CYP4A22: variants seen among roughly 807,000 people sequenced by gnomAD.
CYP4A22 encodes the protein cytochrome P450 family 4 subfamily A member 22, also known as cytochrome P450 4A22.
CYP4A22 carries 46 observed loss-of-function variants against 56.2 expected under a neutral mutation model. The ratio of observed to expected loss-of-function variants is 0.82; its 90% CI spans 0.65 to 1.05. The LOEUF (loss-of-function observed/expected upper bound fraction) is 1.05. CYP4A22 is among the 50% of genes least tolerant of loss of function. CYP4A22 has a pLI of 0.00. For missense variants in CYP4A22, 541 were observed against 645.9 expected, an observed-to-expected ratio of 0.84 and a Z score of 1.76; for synonymous variants, 193 against 251.1, an observed-to-expected ratio of 0.77 and a Z score of 2.19.
intron 11 of CYP4A22, among the ~76,000 whole-genome samples, chr1:47,147,606 T>C (rs1645090031): frequency 6.6e-6 from 1 of 152,212 alleles, no homozygotes; most frequent in Admixed American, 6.5e-5. Flanking sequence ...TGAGTGTTCA[T>C]GGACAAATCA....
At chr1:47,143,122 A>C in intron 4 of CYP4A22, 147 bp from the exon 5 acceptor site, 4 of 1,467,162 alleles carry the variant, frequency 2.7e-6, no homozygotes, top group Non-Finnish European at 3.6e-6. Flanking sequence ...TCTACAATGC[A>C]TCTGCTCTGT....
At position 47,137,796 on chromosome 1, in the gene CYP4A22, G is replaced by T. The variant is rs1569791198; in HGVS notation, c.195+116G>T. ...TTGTAACAAACGTGAGGCCTCATAG[G>T]AACACCCAGCCTACCTCTCTGGTTT... On this transcript the variant is annotated intron_variant, in intron 1 of 11. Coordinates refer to ENST00000371891, the MANE Select transcript of CYP4A22 (RefSeq NM_001010969.4). 3 of 1,425,770 alleles carry T rather than the reference G, an allele frequency of 2.1e-6. No individual in the cohort carries two copies. In the East Asian group the frequency reaches 7.6e-5, roughly 36 times the overall value. The allele number at this position is 1,425,770 out of a possible 1,614,324, so 88.3% of individuals were successfully genotyped here.
Position 47,144,719 on chromosome 1 carries a change from G to A in CYP4A22, c.1067G>A (p.Gly356Asp), listed in dbSNP as rs1299565403. Reference protein sequence around the residue: ...RCREEIHGLLGDGASITWNHL... With the variant: ...RCREEIHGLLDDGASITWNHL... ...CGGGAGGAGATCCATGGCCTCCTGGGTGATGGAGCCTCCATCACCTGGTGA... is the reference window on the plus strand; with the variant it reads ...CGGGAGGAGATCCATGGCCTCCTGGATGATGGAGCCTCCATCACCTGGTGA... The change falls in exon 8 of 12, where the codon GGT becomes GAT. Residue 356 changes from glycine to aspartate, a missense_variant. Around this residue, in one of 3 missense-constraint regions of CYP4A22, gnomAD observed 204 missense variants for 258.9 expected, o/e 0.79. Coordinates refer to ENST00000371891, the MANE Select transcript of CYP4A22 (RefSeq NM_001010969.4). The A allele has an allele frequency of 6.2e-7, 1 of 1,614,018 alleles. No individual in the cohort carries two copies. Among genetic ancestry groups the A allele is most frequent in the South Asian group, 1.1e-5 (1 of 91,068 alleles).
In CYP4A22 at chr1:47,138,771, G is replaced by A. The variant is rs78427066; in HGVS notation, c.195+1091G>A. ...TAGAGGAACAGAGGAAGAAGAGAAA[G>A]GAGCAGCAAGAGGGCTGAGGAGGGA... On this transcript the variant is annotated intron_variant, in intron 1 of 11. Coordinates refer to ENST00000371891, the MANE Select transcript of CYP4A22 (RefSeq NM_001010969.4). 4.7e-3 allele frequency among the ~76,000 whole-genome samples: 723 copies of A among 152,318 alleles called. 12 individuals are homozygous for A. Among genetic ancestry groups the A allele is most frequent in the East Asian group, 0.044 (230 of 5,186 alleles).
At chr1:47,138,598 A>G (rs1449920084) in intron 1 of CYP4A22, among the ~76,000 whole-genome samples, 6 of 152,230 alleles carry the variant, frequency 3.9e-5, no homozygotes, top group Admixed American at 2.6e-4. Context: ...CAAATTCGTA[A>G]ACTTTCTTAA....
chr1:47,145,139 CT>C (rs1225623834), intron 9 of CYP4A22, among the ~76,000 whole-genome samples, 169 bp downstream of exon 9: 1 of 152,204 alleles, frequency 6.6e-6, no homozygotes, highest in Non-Finnish European at 1.5e-5. Flanking sequence ...TGGCCGAGAG[CT>C]TGAACCCACC....
At chr1:47,140,981 G>T in intron 2 of CYP4A22, 60 bp downstream of exon 2, 3 of 1,594,508 alleles carry the variant, frequency 1.9e-6, no homozygotes, top group Admixed American at 1.7e-5. Flanking sequence ...ATGCCCCTGG[G>T]TCTGTAAAAT....
chr1:47,144,268 G>T, intron 6 of CYP4A22, 89 bp from the exon 7 acceptor site: 1 of 1,497,208 alleles, frequency 6.7e-7, no homozygotes, highest in South Asian at 1.2e-5. Flanking sequence ...AGATCTACCA[G>T]GCACCCACAC....
rs760627269 is a variant in CYP4A22, at chr1:47,144,397, G to A, written c.831G>A (p.Glu277=). 6.2e-7 allele frequency: 1 copy of A among 1,613,958 alleles called. No individual in the cohort carries two copies. Among genetic ancestry groups the A allele is most frequent in the Admixed American group, 1.7e-5 (1 of 60,010 alleles). Residue 277 remains glutamate (E), a synonymous_variant, in exon 7 of 12, where the codon GAG becomes GAA. Coordinates refer to ENST00000371891, the MANE Select transcript of CYP4A22 (RefSeq NM_001010969.4). The part of the protein sequence containing the change: ...IQLRKAQLQK[E]GELEKIKRKR... ...TGAGGAAGGCTCAACTACAGAAGGAGGGGGAGCTGGAGAAGATCAAGAGGA... is the reference window on the plus strand; with the variant it reads ...TGAGGAAGGCTCAACTACAGAAGGAAGGGGAGCTGGAGAAGATCAAGAGGA...
intron 10 of CYP4A22, 69 bp downstream of exon 10, chr1:47,145,999 C>A: frequency 2.5e-6 from 4 of 1,614,074 alleles, no homozygotes; most frequent in Non-Finnish European, 3.4e-6. Flanking sequence ...GCTTCCACCT[C>A]TGGGAGTACT....
At chr1:47,143,190 C>G in intron 4 of CYP4A22, 79 bp from the exon 5 acceptor site, 2 of 1,546,840 alleles carry the variant, frequency 1.3e-6, no homozygotes, top group South Asian at 2.5e-5. Context: ...AAGATATCTG[C>G]AGGTACATGA....
chr1:47,142,092 T>C lies in CYP4A22; in HGVS notation c.383-16T>C. ...CCTCTGATACACACACATACACATA[T>C]TCGTGTCTACCTTAGGGTACGGCTT... On this transcript the variant is annotated splice_polypyrimidine_tract_variant and intron_variant, in intron 3 of 11. Coordinates refer to ENST00000371891, the MANE Select transcript of CYP4A22 (RefSeq NM_001010969.4). The C allele has an allele frequency of 6.2e-7, 1 of 1,609,818 alleles. No homozygotes were observed. Among genetic ancestry groups the C allele is most frequent in the African/African-American group, 1.3e-5 (1 of 75,000 alleles).
chr1:47,143,969 C>T lies in CYP4A22; in HGVS notation c.790+53C>T, dbSNP rs1040351534. 4.0e-5 allele frequency: 63 copies of T among 1,558,230 alleles called. 1 individual carries two copies. The highest frequency in any genetic ancestry group is 5.3e-5 in the Non-Finnish European group (61 of 1,151,708). ...CCTTTCCCAGGCACAGTGAAAGTAC[C>T]TGCCCTGACTCCTCAGGCAGAGAAG... On this transcript the variant is annotated intron_variant, in intron 6 of 11. Coordinates refer to ENST00000371891, the MANE Select transcript of CYP4A22 (RefSeq NM_001010969.4).
intron 11 of CYP4A22, among the ~76,000 whole-genome samples, chr1:47,147,747 TGAACAG>T (rs1239609328): frequency 6.6e-6 from 1 of 152,128 alleles, no homozygotes; most frequent in African/African-American, 2.4e-5. Flanking sequence ...CATCTCCACA[TGAACAG>T]GGCTAGGATG....
chr1:47,143,002 A>C (rs144359187), intron 4 of CYP4A22, among the ~76,000 whole-genome samples: 210 of 152,314 alleles, frequency 1.4e-3, no homozygotes, highest in African/African-American at 4.7e-3. Context: ...ACTGAATCTC[A>C]AAATTCAATA....
In CYP4A22 at chr1:47,137,581, C is replaced by A. The variant is rs763942005; in HGVS notation, c.96C>A (p.Ile32=). The A allele has an allele frequency of 2.5e-6, 4 of 1,614,218 alleles. No homozygotes were observed. Among genetic ancestry groups the A allele is most frequent in the East Asian group, 4.5e-5 (2 of 44,882 alleles). The change falls in exon 1 of 12, where the codon ATC becomes ATA. Residue 32 remains isoleucine (I), a synonymous_variant. Coordinates refer to ENST00000371891, the MANE Select transcript of CYP4A22 (RefSeq NM_001010969.4). ...TSLLILLLLL[I]KAAQLYLHRQ... is the part of the protein sequence containing the mutation. ...TGCTCATTCTGCTTCTGCTGCTGAT[C>A]AAGGCAGCTCAGCTCTACCTGCATA...
Position 47,143,840 on chromosome 1 carries a change from G to T in CYP4A22, c.714G>T (p.Glu238Asp), listed in dbSNP as rs1191318638. ...GCTGTATGAGGAATGCCTTTCATGA[G>T]AATGACACCATCTACAGCCTGACCT... ...VFCCMRNAFHENDTIYSLTSA... is the reference protein window; with the variant it reads ...VFCCMRNAFHDNDTIYSLTSA... Residue 238 changes from glutamate to aspartate, a missense_variant, in exon 6 of 12, where the codon GAG becomes GAT. This residue lies in a region of CYP4A22 where 335 missense variants were observed against 361.2 expected (regional missense o/e 0.93). Transcript: ENST00000371891. The T allele has an allele frequency of 6.2e-7, 1 of 1,614,144 alleles. No homozygotes were observed.
In CYP4A22 at chr1:47,148,869, T is replaced by C; in HGVS notation, c.*72T>C. On this transcript the variant is annotated 3_prime_UTR_variant, in exon 12 of 12. Transcript: ENST00000371891. ...CTGCCTGTCTGCCTCTGTCCTGCTT[T>C]CTGTCTGCCCACCTTCCCTTCTTCC... 1 of 1,503,830 alleles carries C rather than the reference T, an allele frequency of 6.6e-7. No individual in the cohort carries two copies. The highest frequency in any genetic ancestry group is 2.2e-5 in the Admixed American group (1 of 45,108). The allele number at this position is 1,503,830 out of a possible 1,614,324, so 93.2% of individuals were successfully genotyped here.
Position 47,143,381 on chromosome 1 carries a change from T to C in CYP4A22, c.623T>C (p.Ile208Thr), listed in dbSNP as rs765792185. Residue 208 changes from isoleucine (I) to threonine (T), a missense_variant, in exon 5 of 12, where the codon ATC (isoleucine) becomes ACC (threonine). Ile to Thr is a moderately conservative substitution (Grantham distance 89). Around this residue, in one of 3 missense-constraint regions of CYP4A22, gnomAD observed 335 missense variants for 361.2 expected, o/e 0.93. Coordinates refer to ENST00000371891, the MANE Select transcript of CYP4A22 (RefSeq NM_001010969.4). The part of the protein sequence containing the change: ...MKSAFSHQGS[I>T]QVDRNSQSYI... Reference sequence around the variant, plus strand: ...AGTGCCTTCAGCCATCAGGGCAGCATCCAGGTGGACAGGTCAGTGACAACC... The same window carrying C: ...AGTGCCTTCAGCCATCAGGGCAGCACCCAGGTGGACAGGTCAGTGACAACC... The C allele has an allele frequency of 6.2e-7, 1 of 1,613,522 alleles. No individual in the cohort carries two copies. Among genetic ancestry groups the C allele is most frequent in the Non-Finnish European group, 8.5e-7 (1 of 1,179,672 alleles).
Sources: allele counts gnomAD v4.1 joint callset (sites outside exome capture counted in the v4.1 genomes callset), GRCh38; gene constraint gnomAD v4.1.1; regional missense constraint gnomAD v4.1.1; transcripts MANE v1.5; gene names NCBI Gene and HGNC (gene_info 2026-07-23, HGNC 2026-07-21).